The following DLEU7 variants were observed in gnomAD, a reference collection of about 807,000 sequenced individuals.
DLEU7 encodes deleted in lymphocytic leukemia 7, also known as leukemia-associated protein 7.
A neutral mutation model predicts 16.0 loss-of-function variants in DLEU7; 17 were observed. That is an observed-to-expected ratio of 1.06 (90% CI 0.73 to 1.59). The LOEUF is 1.59. Among genes scored for constraint, DLEU7 ranks in the 40% most tolerant of loss-of-function variants. DLEU7 has a pLI of 0.00. For missense variants in DLEU7, 308 were observed against 314.9 expected, an observed-to-expected ratio of 0.98 and a Z score of 0.17; for synonymous variants, 113 against 139.8, an observed-to-expected ratio of 0.81 and a Z score of 1.35.
intron 1 of DLEU7, among the ~76,000 whole-genome samples, chr13:50,744,378 G>C (rs927376507): frequency 1.3e-5 from 2 of 152,148 alleles, no homozygotes; most frequent in Non-Finnish European, 1.5e-5. Flanking sequence ...CCTGCTTAAT[G>C]GTTCCTTATA....
chr13:50,720,039 A>G (rs1221594529), intron 1 of DLEU7, among the ~76,000 whole-genome samples: 2 of 152,216 alleles, frequency 1.3e-5, no homozygotes, highest in Non-Finnish European at 2.9e-5. Context: ...CAAGCAAATT[A>G]TAAAATGGTA....
chr13:50,748,450 A>G (rs908261023), intron 1 of DLEU7, among the ~76,000 whole-genome samples: 1 of 152,108 alleles, frequency 6.6e-6, no homozygotes, highest in Non-Finnish European at 1.5e-5. Flanking sequence ...GTTTGACTCT[A>G]CTAGAGAGGA....
chr13:50,829,166 A>G (rs1421495033), intron 1 of DLEU7, among the ~76,000 whole-genome samples: 1 of 152,182 alleles, frequency 6.6e-6, no homozygotes, highest in African/African-American at 2.4e-5. Context: ...TGGCCCAGGG[A>G]AGCCAAAAAA....
chr13:50,837,460 T>TATAC (rs1877508113), intron 1 of DLEU7, among the ~76,000 whole-genome samples: 1 of 152,238 alleles, frequency 6.6e-6, no homozygotes. Flanking sequence ...ATTGCAAAGC[T>TATAC]ATACATAAGC....
intron 1 of DLEU7, among the ~76,000 whole-genome samples, chr13:50,784,288 G>T (rs1046208585): frequency 6.6e-6 from 1 of 152,168 alleles, no homozygotes; most frequent in Non-Finnish European, 1.5e-5. Context: ...CTACAGACCA[G>T]GTATTTTTCA....
intron 1 of DLEU7, among the ~76,000 whole-genome samples, chr13:50,793,182 A>G (rs980185017): frequency 3.3e-5 from 5 of 151,720 alleles, no homozygotes; most frequent in Non-Finnish European, 7.4e-5. Context: ...TTCCAGATGC[A>G]CCCGTGTTGC....
chr13:50,736,341 G>A (rs1244986627), intron 1 of DLEU7, among the ~76,000 whole-genome samples: 1 of 152,062 alleles, frequency 6.6e-6, no homozygotes, highest in African/African-American at 2.4e-5. Flanking sequence ...GCAGACACTG[G>A]GGCCTACTTG....
intron 1 of DLEU7, among the ~76,000 whole-genome samples, chr13:50,802,626 T>C (rs1566256167): frequency 6.6e-6 from 1 of 152,244 alleles, no homozygotes; most frequent in Admixed American, 6.5e-5. Context: ...TTAAATATTT[T>C]ATTTAATTTT....
intron 1 of DLEU7, among the ~76,000 whole-genome samples, chr13:50,834,870 G>C (rs150540794): frequency 5.8e-4 from 89 of 152,228 alleles, no homozygotes; most frequent in African/African-American, 2.1e-3. Flanking sequence ...CCATAAAAAA[G>C]GATGAGTTCA....
At chr13:50,802,102 A>G (rs1241054811) in intron 1 of DLEU7, among the ~76,000 whole-genome samples, 1 of 141,256 alleles carries the variant, frequency 7.1e-6, no homozygotes, top group Non-Finnish European at 1.5e-5. Context: ...CAAAATGAAC[A>G]AGGGAGCCTC....
downstream of DLEU7, among the ~76,000 whole-genome samples, chr13:50,819,429 G>GT (rs968224241): frequency 3.3e-5 from 5 of 152,210 alleles, no homozygotes; most frequent in East Asian, 3.9e-4. Flanking sequence ...TTGATCTAAC[G>GT]TTTTTTACTG....
rs1873755288 is a variant in DLEU7, at chr13:50,726,076, ATCACTG to A, written c.460-12842_460-12837del. Reference sequence around the variant, plus strand: ...TGTGATTCCTGCCTTCAAGGGACCTATCACTGTCTTGGAGAAGTAACGGTGAAAATT... The same window carrying A: ...TGTGATTCCTGCCTTCAAGGGACCTATCTTGGAGAAGTAACGGTGAAAATT... On this transcript the variant is annotated intron_variant, in intron 1 of 1. Coordinates refer to the DLEU7 transcript ENST00000400393. The surrounding 1 kb of genome is among the most constrained non-coding windows in gnomAD (Gnocchi z 4.0). Among the ~76,000 whole-genome samples the A allele has an allele frequency of 6.6e-6, 1 of 152,192 alleles. No individual in the cohort carries two copies. The highest frequency in any genetic ancestry group is 2.1e-4 in the South Asian group (1 of 4,828).
downstream of DLEU7, among the ~76,000 whole-genome samples, chr13:50,820,052 G>A (rs934800929): frequency 4.6e-5 from 7 of 152,108 alleles, no homozygotes; most frequent in African/African-American, 1.7e-4. Flanking sequence ...AAACAAATAA[G>A]AAAGTGACTC....
chr13:50,773,113 C>T (rs1278761571), intron 1 of DLEU7, among the ~76,000 whole-genome samples: 1 of 152,180 alleles, frequency 6.6e-6, no homozygotes, highest in East Asian at 1.9e-4. Context: ...GTTTTCAGCT[C>T]CATCAGGTCA....
chr13:50,804,386 C>T (rs574183003), intron 1 of DLEU7, among the ~76,000 whole-genome samples: 5 of 150,768 alleles, frequency 3.3e-5, no homozygotes, highest in Non-Finnish European at 7.4e-5. Flanking sequence ...TTTGTGTCCA[C>T]AAGAGACAGT....
chr13:50,743,174 AAGGCAGGCAGGC>A (rs376860642), intron 1 of DLEU7, among the ~76,000 whole-genome samples: 11 of 129,444 alleles, frequency 8.5e-5, no homozygotes, highest in Admixed American at 6.7e-4. Flanking sequence ...GAGAAAGAAA[AAGGCAGGCAGGC>A]AGGCAGGCAG....
chr13:50,776,417 C>T (rs896764764), intron 1 of DLEU7, among the ~76,000 whole-genome samples: 2 of 152,220 alleles, frequency 1.3e-5, no homozygotes, highest in African/African-American at 4.8e-5. Flanking sequence ...TTTGTGAGCT[C>T]TTTTCCAACC....
chr13:50,834,003 C>T (rs1404841485), intron 1 of DLEU7, among the ~76,000 whole-genome samples: 2 of 152,160 alleles, frequency 1.3e-5, no homozygotes, highest in Non-Finnish European at 2.9e-5. Context: ...AAAACTGAAA[C>T]TGGACCCCTT....
At chr13:50,738,078 C>G (rs1001151614) in intron 1 of DLEU7, among the ~76,000 whole-genome samples, 1 of 152,014 alleles carries the variant, frequency 6.6e-6, no homozygotes, top group African/African-American at 2.4e-5. Flanking sequence ...CACAACATTC[C>G]CTTAAGCCAA....
Sources: allele counts gnomAD v4.1 joint callset (sites outside exome capture counted in the v4.1 genomes callset), GRCh38; gene constraint gnomAD v4.1.1; non-coding constraint Gnocchi (gnomAD v3.1); transcripts MANE v1.5; gene names NCBI Gene and HGNC (gene_info 2026-07-23, HGNC 2026-07-21).